PPP2R5C: variants seen among roughly 807,000 people sequenced by gnomAD.
The protein encoded by PPP2R5C is serine/threonine-protein phosphatase 2A 56 kDa regulatory subunit gamma isoform.
In PPP2R5C, 7 loss-of-function variants were observed where a neutral mutation model predicts 68.9. The observed-to-expected ratio is 0.10, with a 90% CI of 0.06 to 0.19. The LOEUF (loss-of-function observed/expected upper bound fraction) is 0.19, where lower values mean the gene tolerates loss of function less well. PPP2R5C is among the 10% of genes least tolerant of loss of function. The pLI is 1.00. For synonymous variants in PPP2R5C, 210 were observed against 222.2 expected, an observed-to-expected ratio of 0.95 and a Z score of 0.49; for missense variants, 348 against 641.3, an observed-to-expected ratio of 0.54 and a Z score of 4.94.
exon 14 of PPP2R5C, chr14:101,927,732 A>T (rs543488879): frequency 6.5e-6 from 1 of 152,782 alleles, no homozygotes; most frequent in East Asian, 1.9e-4. Context: ...AAGTTCATAG[A>T]AACAGCAAAT....
At chr14:101,779,718 C>T (rs932100937) in intron 2 of PPP2R5C, among the ~76,000 whole-genome samples, 5 of 152,062 alleles carry the variant, frequency 3.3e-5, no homozygotes, top group Admixed American at 2.6e-4. Context: ...AGTGGGGAGC[C>T]ACTGGCATCT....
intron 2 of PPP2R5C, among the ~76,000 whole-genome samples, chr14:101,868,965 T>C (rs1266825544): frequency 6.6e-6 from 1 of 152,158 alleles, no homozygotes; most frequent in East Asian, 1.9e-4. Context: ...CTGGCTGGAG[T>C]GCAGTGGCAC....
In PPP2R5C at chr14:101,899,075, C is replaced by T. The variant is rs2045528595; in HGVS notation, c.853-2644C>T. 6.6e-6 allele frequency among the ~76,000 whole-genome samples: 1 copy of T among 152,132 alleles called. No homozygotes were observed. The highest frequency in any genetic ancestry group is 1.5e-5 in the Non-Finnish European group (1 of 68,026). ...TGAGATATGAAGGACATGTGTTGCC[C>T]CATTTGTAGCCTGTAATTAGTATTT... On this transcript the variant is annotated intron_variant, in intron 8 of 13. Coordinates refer to ENST00000334743, the Ensembl canonical transcript of PPP2R5C. The surrounding 1 kb of genome is among the most constrained non-coding windows in gnomAD (Gnocchi z 4.2).
intron 1 of PPP2R5C, among the ~76,000 whole-genome samples, chr14:101,822,818 A>G (rs1016856464): frequency 1.3e-4 from 20 of 152,202 alleles, no homozygotes; most frequent in African/African-American, 4.6e-4. Flanking sequence ...GAATTTTCAC[A>G]TTTTTGTGTG....
At chr14:101,908,697 T>C (rs753028231) in intron 10 of PPP2R5C, among the ~76,000 whole-genome samples, 8 of 151,904 alleles carry the variant, frequency 5.3e-5, no homozygotes, top group Non-Finnish European at 8.8e-5. Context: ...TTTTTTTTAA[T>C]CGCAACAATG....
chr14:101,885,294 CA>C (rs1181018819), intron 5 of PPP2R5C, among the ~76,000 whole-genome samples: 1 of 152,142 alleles, frequency 6.6e-6, no homozygotes, highest in Non-Finnish European at 1.5e-5. Context: ...CCCCCCCTGC[CA>C]AAACCCACAG....
At chr14:101,896,352 G>A (rs111593239) in intron 8 of PPP2R5C, among the ~76,000 whole-genome samples, 3 of 152,220 alleles carry the variant, frequency 2.0e-5, no homozygotes, top group African/African-American at 7.2e-5. Flanking sequence ...CTAGTGGTGT[G>A]AAAGAGTATC....
rs1309146141 is a variant in PPP2R5C at position 101,879,752 on chromosome 14, G to C, written c.295-2409G>C. Among the ~76,000 whole-genome samples the C allele has an allele frequency of 2.0e-5, 3 of 152,204 alleles. No individual in the cohort carries two copies. Among genetic ancestry groups the C allele is most frequent in the African/African-American group, 2.4e-5 (1 of 41,454 alleles). On this transcript the variant is annotated intron_variant, in intron 2 of 13. Coordinates refer to ENST00000334743, the Ensembl canonical transcript of PPP2R5C. The surrounding 1 kb of genome is among the most constrained non-coding windows in gnomAD (Gnocchi z 4.2). ...ACCCCAGTCTCTTGGCTTTGAGAGA[G>C]AGGGTAGAAACCCCAGTTCACGAAT...
In PPP2R5C at chr14:101,797,686, A is replaced by G. The variant is rs1373505932; in HGVS notation, c.259+11503A>G. ...AAGTTGGCAAGTTAAAAAAAAAAACAATCAGCATGAAAGCACTCCGATGTA... is the reference window on the plus strand; with the variant it reads ...AAGTTGGCAAGTTAAAAAAAAAAACGATCAGCATGAAAGCACTCCGATGTA... On this transcript the variant is annotated intron_variant, in intron 3 of 14. Transcript: ENST00000328724. The surrounding 1 kb of genome is among the most constrained non-coding windows in gnomAD (Gnocchi z 4.2). 1 of 178,556 alleles carries G rather than the reference A, an allele frequency of 5.6e-6. No individual in the cohort carries two copies. Among genetic ancestry groups the G allele is most frequent in the Non-Finnish European group, 1.2e-5 (1 of 83,814 alleles). 11.1% of individuals were successfully genotyped at this position (178,556 alleles called of 1,614,324 possible).
chr14:101,793,981 C>A (rs925515731), intron 3 of PPP2R5C, among the ~76,000 whole-genome samples: 3 of 152,198 alleles, frequency 2.0e-5, no homozygotes, highest in African/African-American at 4.8e-5. Flanking sequence ...CTCCTATGTC[C>A]AGTTGCTTCT....
At chr14:101,782,863 C>A (rs1251244048) in intron 2 of PPP2R5C, among the ~76,000 whole-genome samples, 1 of 1,746 alleles carries the variant, frequency 5.7e-4, no homozygotes, top group East Asian at 9.1e-3. Flanking sequence ...TTTTCCTCCT[C>A]CCCCCTTCCC....
chr14:101,774,980 C>T (rs2139993716), intron 2 of PPP2R5C, among the ~76,000 whole-genome samples: 1 of 152,280 alleles, frequency 6.6e-6, no homozygotes, highest in African/African-American at 2.4e-5. Flanking sequence ...GCCAGTAAAA[C>T]TTGATTTACA....
At chr14:101,896,636 CA>C (rs34603513) in intron 8 of PPP2R5C, among the ~76,000 whole-genome samples, 115 of 110,390 alleles carry the variant, frequency 1.0e-3, no homozygotes, top group African/African-American at 1.8e-3. Context: ...ACCCTGTCTC[CA>C]AAAAAAAAAA....
intron 2 of PPP2R5C, among the ~76,000 whole-genome samples, chr14:101,776,017 A>T: frequency 6.7e-6 from 1 of 150,356 alleles, no homozygotes; most frequent in East Asian, 2.0e-4. Context: ...AGCATTTCAG[A>T]TTGTGCCCCC....
At chr14:101,884,554 A>C (rs1289117932) in intron 5 of PPP2R5C, among the ~76,000 whole-genome samples, 1 of 151,976 alleles carries the variant, frequency 6.6e-6, no homozygotes, top group Non-Finnish European at 1.5e-5. Flanking sequence ...AGGTTTGGAG[A>C]CTCCCACTGT....
At chr14:101,872,255 GCT>G (rs1438866910) in intron 2 of PPP2R5C, among the ~76,000 whole-genome samples, 1 of 101,794 alleles carries the variant, frequency 9.8e-6, no homozygotes, top group Admixed American at 1.4e-4. Context: ...ACAGGGTCTT[GCT>G]CTGTTACCCA....
chr14:101,861,739 T>A (rs1204705219), intron 2 of PPP2R5C, among the ~76,000 whole-genome samples: 1 of 152,208 alleles, frequency 6.6e-6, no homozygotes, highest in Non-Finnish European at 1.5e-5. Context: ...AACATGCCGC[T>A]GTTTTCATGG....
rs141375297 is a variant in PPP2R5C, at chr14:101,891,019, C to T, written c.689+723C>T. 7.8e-4 allele frequency among the ~76,000 whole-genome samples: 118 copies of T among 152,110 alleles called. No individual in the cohort carries two copies. The highest frequency in any genetic ancestry group is 1.3e-3 in the Non-Finnish European group (89 of 68,002). On this transcript the variant is annotated intron_variant, in intron 6 of 13. Transcript: ENST00000334743. This position sits in a 1 kb window ranked among gnomAD's most constrained non-coding sequence, Gnocchi z 4.9. Reference sequence around the variant, plus strand: ...AACTGCTGGCCTCAGGTGATCTGCCCGCCTCACCTCCCAAAGTGCTGAGAT... The same window carrying T: ...AACTGCTGGCCTCAGGTGATCTGCCTGCCTCACCTCCCAAAGTGCTGAGAT...
rs879819701 is a variant in PPP2R5C, at chr14:101,837,181, T to C, written c.95-19505T>C. ...TTTTTGAGACGGAGTTTCACTCTTG[T>C]TGCCCAGGCTGGAGTGCAGTGGTGC... On this transcript the variant is annotated intron_variant, in intron 1 of 13. Coordinates refer to ENST00000334743, the Ensembl canonical transcript of PPP2R5C. Among the ~76,000 whole-genome samples, 5 of 152,350 alleles carry C rather than the reference T, an allele frequency of 3.3e-5. No individual in the cohort carries two copies. In the East Asian group the frequency reaches 9.6e-4, roughly 29 times the overall value.
Sources: allele counts gnomAD v4.1 joint callset (sites outside exome capture counted in the v4.1 genomes callset), GRCh38; gene constraint gnomAD v4.1.1; non-coding constraint Gnocchi (gnomAD v3.1); transcripts MANE v1.5; gene names NCBI Gene and HGNC (gene_info 2026-07-23, HGNC 2026-07-21).